SOX5: variants seen among roughly 807,000 people sequenced by gnomAD.
SOX5 encodes the protein SRY-box transcription factor 5.
SOX5 carries 9 observed loss-of-function variants against 92.0 expected under a neutral mutation model. That is an observed-to-expected ratio of 0.10 (90% confidence interval 0.06 to 0.17). The LOEUF is 0.17. SOX5 is among the 10% of genes least tolerant of loss of function. The pLI, the probability that SOX5 is intolerant of heterozygous loss-of-function variation, is 1.00. For missense variants in SOX5, 642 were observed against 944.5 expected, an observed-to-expected ratio of 0.68 and a Z score of 4.20; for synonymous variants, 344 against 336.3, an observed-to-expected ratio of 1.02 and a Z score of -0.25.
At chr12:24,547,954 A>G (rs2138901979) in intron 1 of SOX5, among the ~76,000 whole-genome samples, 1 of 152,366 alleles carries the variant, frequency 6.6e-6, no homozygotes, top group African/African-American at 2.4e-5. Context: ...AAGTAGTAAT[A>G]AGACACAGGG....
At chr12:24,316,050 T>C (rs1055547924) in intron 2 of SOX5, among the ~76,000 whole-genome samples, 6 of 152,236 alleles carry the variant, frequency 3.9e-5, no homozygotes, top group Admixed American at 3.9e-4. Flanking sequence ...CTGTAGCCTC[T>C]GCAGGCACAG....
At chr12:23,839,490 A>G (rs1174569153) in intron 3 of SOX5, among the ~76,000 whole-genome samples, 3 of 152,176 alleles carry the variant, frequency 2.0e-5, no homozygotes, top group African/African-American at 7.2e-5. Context: ...AACACTTCCT[A>G]ACTCATTCTA....
chr12:24,192,953 G>GA (rs1956668287), intron 4 of SOX5, among the ~76,000 whole-genome samples: 1 of 151,744 alleles, frequency 6.6e-6, no homozygotes, highest in Non-Finnish European at 1.5e-5. Flanking sequence ...GTCTCTTAAA[G>GA]AAAAAAATTA....
intron 6 of SOX5, among the ~76,000 whole-genome samples, chr12:23,731,010 A>C (rs1018473369): frequency 1.5e-4 from 23 of 152,186 alleles, no homozygotes; most frequent in African/African-American, 5.3e-4. Flanking sequence ...CAATGTGGGC[A>C]GGCACCTTCT....
At position 24,430,786 on chromosome 12, in the gene SOX5, G is replaced by C. The variant is rs368789412; in HGVS notation, c.-250-62147C>G. ...TTTGTACATTTTATCTCCTTTGTCA[G>C]CCACAAGGAGTAACTTTATTATTCC... On this transcript the variant is annotated intron_variant, in intron 1 of 4. Transcript: ENST00000446891. Among the ~76,000 whole-genome samples, 24 of 152,048 alleles carry C rather than the reference G, an allele frequency of 1.6e-4. No individual in the cohort carries two copies. In the East Asian group the frequency reaches 4.6e-3, roughly 29 times the overall value.
intron 6 of SOX5, among the ~76,000 whole-genome samples, chr12:23,720,672 T>C (rs955980464): frequency 6.6e-6 from 1 of 152,200 alleles, no homozygotes; most frequent in Admixed American, 6.5e-5. Flanking sequence ...AAGTTTTTTA[T>C]ATGTACCTTC....
chr12:23,808,024 A>G (rs2095812106), intron 3 of SOX5, among the ~76,000 whole-genome samples: 1 of 152,134 alleles, frequency 6.6e-6, no homozygotes, highest in African/African-American at 2.4e-5. Context: ...TACAAAGAGC[A>G]TATTATTAAT....
chr12:23,730,799 AGAGGTT>A (rs1331492233), intron 6 of SOX5, among the ~76,000 whole-genome samples: 3 of 152,204 alleles, frequency 2.0e-5, no homozygotes, highest in Non-Finnish European at 4.4e-5. Flanking sequence ...TCTTTTCATC[AGAGGTT>A]GAGAAAGAAT....
intron 1 of SOX5, among the ~76,000 whole-genome samples, chr12:24,384,711 A>C (rs542854906): frequency 6.6e-5 from 10 of 152,332 alleles, no homozygotes; most frequent in African/African-American, 2.4e-4. Context: ...AAGACGAAAA[A>C]GGCTATGAAC....
At position 23,936,522 on chromosome 12, in the gene SOX5, G is replaced by C. The variant is rs1023045046; in HGVS notation, c.38+13042C>G. 4.6e-5 allele frequency among the ~76,000 whole-genome samples: 7 copies of C among 150,590 alleles called. No individual in the cohort carries two copies. The South Asian group carries it at 1.2e-3, about 27-fold the overall frequency. On this transcript the variant is annotated intron_variant, in intron 1 of 14. Transcript: ENST00000451604. Reference sequence around the variant, plus strand: ...AAATTCCACTTTGTGGTAGAAGAAGGCTAAGAATAAAGACAGTTAATAAAC... The same window carrying C: ...AAATTCCACTTTGTGGTAGAAGAAGCCTAAGAATAAAGACAGTTAATAAAC...
chr12:24,190,603 C>T (rs1219809895), intron 4 of SOX5, among the ~76,000 whole-genome samples: 1 of 152,166 alleles, frequency 6.6e-6, no homozygotes, highest in Non-Finnish European at 1.5e-5. Context: ...ACACTATAGA[C>T]ATTCTCTGGT....
At chr12:24,006,522 G>A (rs1393339305) in intron 4 of SOX5, among the ~76,000 whole-genome samples, 1 of 151,784 alleles carries the variant, frequency 6.6e-6, no homozygotes, top group East Asian at 1.9e-4. Flanking sequence ...TTTGTGTCTC[G>A]GGAGCTGGAT....
At chr12:23,937,541 T>C (rs986672362) in intron 1 of SOX5, among the ~76,000 whole-genome samples, 1 of 150,998 alleles carries the variant, frequency 6.6e-6, no homozygotes, top group Non-Finnish European at 1.5e-5. Flanking sequence ...TAATTTGACA[T>C]GCACCATAGT....
At chr12:23,651,004 G>A (rs1464928376) in intron 7 of SOX5, among the ~76,000 whole-genome samples, 1 of 151,930 alleles carries the variant, frequency 6.6e-6, no homozygotes, top group African/African-American at 2.4e-5. Context: ...CTGATTTGAT[G>A]AAGTAAAAGA....
At chr12:24,284,086 C>G (rs753218488) in intron 2 of SOX5, among the ~76,000 whole-genome samples, 4 of 152,210 alleles carry the variant, frequency 2.6e-5, no homozygotes, top group East Asian at 3.8e-4. Flanking sequence ...GTCAGATAGT[C>G]GCATTGTCTG....
At chr12:23,717,109 T>G (rs1472362124) in intron 6 of SOX5, among the ~76,000 whole-genome samples, 1 of 152,240 alleles carries the variant, frequency 6.6e-6, no homozygotes, top group South Asian at 2.1e-4. Flanking sequence ...TAAAGTTATA[T>G]CATTGACTTT....
chr12:24,403,359 C>T (rs751353775), intron 1 of SOX5, among the ~76,000 whole-genome samples: 31 of 152,244 alleles, frequency 2.0e-4, no homozygotes, highest in African/African-American at 5.8e-4. Context: ...TCCTTAAGGA[C>T]GGAAACCTTG....
intron 1 of SOX5, among the ~76,000 whole-genome samples, chr12:23,901,040 T>C (rs1383683708): frequency 1.3e-5 from 2 of 152,196 alleles, no homozygotes; most frequent in Non-Finnish European, 2.9e-5. Flanking sequence ...ACCTTACATG[T>C]CAAAAGGGAC....
At chr12:24,422,776 C>T (rs959860089) in intron 1 of SOX5, among the ~76,000 whole-genome samples, 1 of 152,108 alleles carries the variant, frequency 6.6e-6, no homozygotes, top group Non-Finnish European at 1.5e-5. Context: ...TTTGGGAGGC[C>T]AAGGAGGGAA....
Sources: gnomAD v4.1 joint callset for allele counts (sites outside exome capture counted in the v4.1 genomes callset) on GRCh38, gnomAD v4.1.1 for gene constraint, MANE v1.5 for transcripts, NCBI Gene and HGNC (gene_info 2026-07-23, HGNC 2026-07-21) for gene names.